Variants in PNPT1 observed in about 807,000 individuals in gnomAD.
PNPT1 encodes polyribonucleotide nucleotidyltransferase 1, mitochondrial.
PNPT1 carries 53 observed loss-of-function variants against 119.5 expected under a neutral mutation model. That is an observed-to-expected ratio of 0.44 (90% CI 0.36 to 0.56). The LOEUF (loss-of-function observed/expected upper bound fraction) is 0.56, where lower values mean the gene tolerates loss of function less well. Ranked by LOEUF, PNPT1 falls within the 20% of genes least tolerant of loss-of-function variation. The probability of loss-of-function intolerance (pLI) is 0.00; values close to 1 mark genes in which losing one functional copy is unlikely to be tolerated. For synonymous variants in PNPT1, 357 were observed against 322.1 expected, an observed-to-expected ratio of 1.11 and a Z score of -1.16; for missense variants, 948 against 938.5, an observed-to-expected ratio of 1.01 and a Z score of -0.13.
intron 18 of PNPT1, among the ~76,000 whole-genome samples, chr2:55,651,327 T>C (rs1211502042): frequency 2.0e-5 from 3 of 151,992 alleles, no homozygotes; most frequent in Non-Finnish European, 4.4e-5. Flanking sequence ...TTTTGTGGAA[T>C]AGAAAGGGGG....
At chr2:55,662,264 C>T (rs777873277) in intron 13 of PNPT1, among the ~76,000 whole-genome samples, 4 of 152,138 alleles carry the variant, frequency 2.6e-5, no homozygotes, top group Non-Finnish European at 4.4e-5. Flanking sequence ...AAGCACTGCT[C>T]TAGGAGTGCT....
chr2:55,689,609 A>G (rs1353502174), intron 1 of PNPT1, among the ~76,000 whole-genome samples: 1 of 152,256 alleles, frequency 6.6e-6, no homozygotes, highest in Non-Finnish European at 1.5e-5. Context: ...GACAGTCACC[A>G]AAGACTATGT....
chr2:55,680,977 C>G, intron 5 of PNPT1, 59 bp from the exon 6 acceptor site: 3 of 1,393,246 alleles, frequency 2.2e-6, no homozygotes, highest in South Asian at 1.2e-5. Context: ...ACATCCTGAC[C>G]TAAAATACAA....
At chr2:55,671,062 T>C (rs545218369) in intron 11 of PNPT1, among the ~76,000 whole-genome samples, 37 of 152,238 alleles carry the variant, frequency 2.4e-4, no homozygotes, top group African/African-American at 8.2e-4. Flanking sequence ...ACTTTCTCTT[T>C]CCCCGAAACA....
Position 55,684,952 on chromosome 2 carries a change from G to T in PNPT1, c.394C>A (p.Arg132=). The change falls in exon 4 of 28, where the codon CGA becomes AGA. Residue 132 remains arginine (R), a synonymous_variant. Transcript: ENST00000447944. ...TATGTTAATATCTTACCTATTATTC[G>T]ACTTGTTAGAATTTCTTTATCAGAA... The part of the protein sequence containing the change: ...GTSDKEILTS[R]IIDRSIRPLF... 3 of 1,568,272 alleles carry T rather than the reference G, an allele frequency of 1.9e-6. No homozygotes were observed. Among genetic ancestry groups the T allele is most frequent in the South Asian group, 1.2e-5 (1 of 85,726 alleles).
At chr2:55,690,859 G>C (rs913306109) in intron 1 of PNPT1, among the ~76,000 whole-genome samples, 1 of 152,174 alleles carries the variant, frequency 6.6e-6, no homozygotes, top group Non-Finnish European at 1.5e-5. Context: ...TGAGTAGATG[G>C]AAGGAATGAG....
intron 17 of PNPT1, 128 bp downstream of exon 17, chr2:55,656,003 C>A: frequency 8.7e-7 from 1 of 1,155,368 alleles, no homozygotes; most frequent in South Asian, 1.8e-5. Flanking sequence ...TAACTCAATA[C>A]ATTTTTCTCT....
intron 5 of PNPT1, among the ~76,000 whole-genome samples, chr2:55,683,172 T>C (rs937843848): frequency 6.6e-6 from 1 of 152,346 alleles, no homozygotes; most frequent in Non-Finnish European, 1.5e-5. Context: ...CCACTCACTG[T>C]AGTCACGCTG....
At chr2:55,654,223 C>T (rs1397170757) in intron 18 of PNPT1, among the ~76,000 whole-genome samples, 1 of 143,044 alleles carries the variant, frequency 7.0e-6, no homozygotes, top group Non-Finnish European at 1.5e-5. Context: ...CACCACTGCA[C>T]TTCAGCCTGG....
At position 55,634,284 on chromosome 2, in the gene PNPT1, C is replaced by T. The variant is rs543326838; in HGVS notation, c.*1953G>A. 2.8e-5 allele frequency: 4 copies of T among 144,960 alleles called. No individual in the cohort carries two copies. Among genetic ancestry groups the T allele is most frequent in the Non-Finnish European group, 4.5e-5 (3 of 66,660 alleles). 9.0% of individuals were successfully genotyped at this position (144,960 alleles called of 1,614,324 possible). Reference sequence around the variant, plus strand: ...CCTTTTTTTTTTTTTTTTCTGGAGACGGAGTCTTGCTCTGTCGCCCAGGCT... The same window carrying T: ...CCTTTTTTTTTTTTTTTTCTGGAGATGGAGTCTTGCTCTGTCGCCCAGGCT... On this transcript the variant is annotated 3_prime_UTR_variant, in exon 28 of 28. Transcript: ENST00000447944.
At chr2:55,644,847 C>T (rs1257267657) in intron 22 of PNPT1, 127 bp from the exon 23 acceptor site, 2 of 499,866 alleles carry the variant, frequency 4.0e-6, no homozygotes, top group Admixed American at 3.8e-5. Flanking sequence ...TACTATAAAA[C>T]AGAAAAGTAG....
At chr2:55,667,763 C>G (rs1448094168) in intron 12 of PNPT1, 99 bp downstream of exon 12, 1 of 1,447,438 alleles carries the variant, frequency 6.9e-7, no homozygotes, top group East Asian at 2.5e-5. Flanking sequence ...TTACTGTTCA[C>G]TTGAAAAAAA....
intron 14 of PNPT1, among the ~76,000 whole-genome samples, chr2:55,661,454 G>A (rs558794555): frequency 4.6e-5 from 7 of 152,128 alleles, no homozygotes; most frequent in South Asian, 2.1e-4. Flanking sequence ...TCTTATCATC[G>A]GAATTGATTA....
chr2:55,669,233 G>C (rs1268625849), intron 11 of PNPT1, among the ~76,000 whole-genome samples: 5 of 152,094 alleles, frequency 3.3e-5, no homozygotes, highest in African/African-American at 1.2e-4. Context: ...AGACCACACA[G>C]GTAGTAACTG....
chr2:55,651,885 CAAAAA>C, intron 18 of PNPT1, among the ~76,000 whole-genome samples: 374 of 119,756 alleles, frequency 3.1e-3, no homozygotes, highest in African/African-American at 0.011. Flanking sequence ...AAAGGAAAGT[CAAAAA>C]AAAAAAAAAA....
Position 55,680,630 on chromosome 2 carries a change from T to C in PNPT1, c.565+82A>G, listed in dbSNP as rs898515403. 3 of 1,265,398 alleles carry C rather than the reference T, an allele frequency of 2.4e-6. No homozygotes were observed. The African/African-American group carries it at 4.5e-5, about 19-fold the overall frequency. 78.4% of individuals were successfully genotyped at this position (1,265,398 alleles called of 1,614,324 possible). A position where few individuals can be genotyped will look rare whatever the true frequency, so the allele number is the denominator to read the frequency against. ...GAAGAGGTAATAAATCAGAGCCATA[T>C]GCCATTGCTGTAACATGGTCACTAC... On this transcript the variant is annotated intron_variant, in intron 7 of 27. Transcript: ENST00000447944.
rs35916020 is a variant in PNPT1 at position 55,636,225 on chromosome 2, TAA to T, written c.*10_*11del. The T allele has an allele frequency of 5.1e-6, 7 of 1,364,690 alleles. No homozygotes were observed. The South Asian group carries it at 5.4e-5, about 11-fold the overall frequency. 84.5% of individuals were successfully genotyped at this position (1,364,690 alleles called of 1,614,324 possible). A position where few individuals can be genotyped will look rare whatever the true frequency, so the allele number is the denominator to read the frequency against. On this transcript the variant is annotated 3_prime_UTR_variant, in exon 28 of 28. Coordinates refer to ENST00000447944, the MANE Select transcript of PNPT1 (RefSeq NM_033109.5). ...CAAAATAGAATTCTAGAATTCTCTT[TAA>T]AAAAAAAAATCACTGAGAATTAGAT...
At chr2:55,665,088 A>G (rs1030406897) in intron 13 of PNPT1, among the ~76,000 whole-genome samples, 1 of 152,180 alleles carries the variant, frequency 6.6e-6, no homozygotes, top group Admixed American at 6.5e-5. Flanking sequence ...AATAATTAAA[A>G]TAGTTTGACA....
At chr2:55,647,643 C>T (rs1696043800) in intron 18 of PNPT1, among the ~76,000 whole-genome samples, 190 bp from the exon 19 acceptor site, 1 of 151,970 alleles carries the variant, frequency 6.6e-6, no homozygotes, top group African/African-American at 2.4e-5. Context: ...CCTCAGCCTC[C>T]CCTATAGCTG....
Sources: gnomAD v4.1 joint callset for allele counts (sites outside exome capture counted in the v4.1 genomes callset) on GRCh38, gnomAD v4.1.1 for gene constraint, MANE v1.5 for transcripts, NCBI Gene and HGNC (gene_info 2026-07-23, HGNC 2026-07-21) for gene names.